Variants in SIPA1L1 observed in about 807,000 individuals in gnomAD.
SIPA1L1 encodes signal-induced proliferation-associated 1-like protein 1.
In SIPA1L1, 26 loss-of-function variants were observed where a neutral mutation model predicts 162.7. The observed-to-expected ratio is 0.16, with a 90% CI of 0.12 to 0.22. The LOEUF (loss-of-function observed/expected upper bound fraction) is 0.22. Ranked by LOEUF, SIPA1L1 falls within the 10% of genes least tolerant of loss-of-function variation. The probability of loss-of-function intolerance (pLI) is 1.00; values close to 1 mark genes in which losing one functional copy is unlikely to be tolerated. For missense variants in SIPA1L1, 1,874 were observed against 2,241.0 expected, an observed-to-expected ratio of 0.84 and a Z score of 3.31; for synonymous variants, 829 against 837.4, an observed-to-expected ratio of 0.99 and a Z score of 0.17.
At chr14:71,327,327 G>A (rs146454734) in intron 2 of SIPA1L1, among the ~76,000 whole-genome samples, 2,559 of 151,688 alleles carry the variant, frequency 0.017, 70 homozygotes, top group African/African-American at 0.059. Context: ...CAGGTGATCC[G>A]CCCGCCTCGG....
At chr14:71,532,186 G>A (rs1364562362) in intron 4 of SIPA1L1, among the ~76,000 whole-genome samples, 1 of 152,158 alleles carries the variant, frequency 6.6e-6, no homozygotes, top group East Asian at 1.9e-4. Context: ...CTTTGTGAAT[G>A]TATTGGTTGT....
chr14:71,629,067 A>G (rs991132087), intron 7 of SIPA1L1, among the ~76,000 whole-genome samples: 2 of 152,042 alleles, frequency 1.3e-5, no homozygotes, highest in Non-Finnish European at 2.9e-5. Context: ...CCTCCCAAGT[A>G]GCTGGGACTA....
intron 2 of SIPA1L1, among the ~76,000 whole-genome samples, chr14:71,490,921 T>C (rs956235362): frequency 1.3e-5 from 2 of 152,214 alleles, no homozygotes; most frequent in African/African-American, 4.8e-5. Flanking sequence ...AGGGGTTTAA[T>C]AGGAATGAAG....
intron 19 of SIPA1L1, 102 bp downstream of exon 19, chr14:71,724,937 G>A: frequency 9.8e-7 from 1 of 1,023,356 alleles, no homozygotes; most frequent in Non-Finnish European, 1.4e-6. Context: ...GTTACTGGCT[G>A]CTCTTCACTA....
At chr14:71,623,158 G>A (rs1445988439) in intron 6 of SIPA1L1, among the ~76,000 whole-genome samples, 1 of 152,066 alleles carries the variant, frequency 6.6e-6, no homozygotes, top group East Asian at 1.9e-4. Flanking sequence ...GGGTATACTT[G>A]TCCTTCTGAG....
intron 2 of SIPA1L1, among the ~76,000 whole-genome samples, chr14:71,325,751 C>T (rs1316527615): frequency 6.6e-6 from 1 of 152,124 alleles, no homozygotes; most frequent in East Asian, 1.9e-4. Context: ...TTCTCTTTGC[C>T]TCTGGAGTCT....
intron 8 of SIPA1L1, among the ~76,000 whole-genome samples, chr14:71,650,812 A>G (rs1213763275): frequency 6.6e-6 from 1 of 152,152 alleles, no homozygotes; most frequent in Non-Finnish European, 1.5e-5. Flanking sequence ...CATTTAGCCA[A>G]ATGTTAGGGT....
chr14:71,553,690 A>G (rs1243850361), intron 4 of SIPA1L1, among the ~76,000 whole-genome samples: 2 of 151,978 alleles, frequency 1.3e-5, no homozygotes, highest in Non-Finnish European at 2.9e-5. Context: ...GCCTGAACCC[A>G]TTTTATAGAT....
chr14:71,347,512 A>G (rs1378286340), intron 2 of SIPA1L1, among the ~76,000 whole-genome samples: 3 of 152,034 alleles, frequency 2.0e-5, no homozygotes, highest in Non-Finnish European at 4.4e-5. Context: ...TATACCTAGG[A>G]GTTGAATTGT....
intron 19 of SIPA1L1, among the ~76,000 whole-genome samples, chr14:71,729,170 G>A (rs1416501489): frequency 6.6e-6 from 1 of 152,056 alleles, no homozygotes; most frequent in Non-Finnish European, 1.5e-5. Context: ...TGAGTAGCTG[G>A]GATTACAGGC....
chr14:71,725,467 CCA>C (rs1199475654), intron 19 of SIPA1L1, among the ~76,000 whole-genome samples: 6 of 152,214 alleles, frequency 3.9e-5, no homozygotes, highest in African/African-American at 1.2e-4. Flanking sequence ...GCTCAGAATT[CCA>C]GACTGTAAAT....
intron 2 of SIPA1L1, among the ~76,000 whole-genome samples, chr14:71,412,736 A>G (rs768539338): frequency 3.3e-5 from 5 of 152,140 alleles, no homozygotes; most frequent in Non-Finnish European, 7.4e-5. Flanking sequence ...CTTCCATTTT[A>G]TGTGATTGGG....
intron 16 of SIPA1L1, among the ~76,000 whole-genome samples, chr14:71,707,611 C>T (rs748832828): frequency 6.6e-6 from 1 of 152,170 alleles, no homozygotes; most frequent in Non-Finnish European, 1.5e-5. Flanking sequence ...AAGATTCATC[C>T]ATGTTGTAGC....
chr14:71,470,341 A>G (rs1228848000), intron 2 of SIPA1L1, among the ~76,000 whole-genome samples: 2 of 152,236 alleles, frequency 1.3e-5, no homozygotes, highest in African/African-American at 2.4e-5. Flanking sequence ...TTTGGGATTT[A>G]GAATCTGGAC....
intron 4 of SIPA1L1, among the ~76,000 whole-genome samples, chr14:71,549,749 C>A (rs2055614965): frequency 6.6e-6 from 1 of 152,184 alleles, no homozygotes; most frequent in African/African-American, 2.4e-5. Flanking sequence ...ACCCTCTCAA[C>A]TGAAACTTGC....
chr14:71,668,064 C>CAA (rs58698210), intron 10 of SIPA1L1, among the ~76,000 whole-genome samples: 11 of 134,584 alleles, frequency 8.2e-5, no homozygotes, highest in African/African-American at 2.5e-4. Context: ...GACTCCGTCT[C>CAA]AAAAAAAAAA....
chr14:71,611,990 A>T (rs955897861), intron 5 of SIPA1L1, among the ~76,000 whole-genome samples: 1 of 152,196 alleles, frequency 6.6e-6, no homozygotes, highest in African/African-American at 2.4e-5. Flanking sequence ...TTAAAAAAAA[A>T]TAGTTTAAAT....
At chr14:71,368,142 C>CTTTTTTTTTTTTTTT (rs755238643) in intron 2 of SIPA1L1, among the ~76,000 whole-genome samples, 4 of 115,184 alleles carry the variant, frequency 3.5e-5, no homozygotes, top group Non-Finnish European at 7.3e-5. Flanking sequence ...TTGTGGTATT[C>CTTTTTTTTTTTTTTT]TTTTTTTTTT....
intron 8 of SIPA1L1, among the ~76,000 whole-genome samples, chr14:71,654,516 G>A (rs572452567): frequency 3.3e-4 from 50 of 152,256 alleles, no homozygotes; most frequent in African/African-American, 1.1e-3. Flanking sequence ...TTCCTTCAAA[G>A]CCCTGCCTTC....
Sources: gnomAD v4.1 joint callset for allele counts (sites outside exome capture counted in the v4.1 genomes callset) on GRCh38, gnomAD v4.1.1 for gene constraint, MANE v1.5 for transcripts, NCBI Gene and HGNC (gene_info 2026-07-23, HGNC 2026-07-21) for gene names.